Variants in TTC28 observed in about 807,000 individuals in gnomAD.
The protein encoded by TTC28 is tetratricopeptide repeat protein 28.
A neutral mutation model predicts 198.0 loss-of-function variants in TTC28; 61 were observed. The observed-to-expected ratio is 0.31, with a 90% CI of 0.25 to 0.38. TTC28 has a LOEUF of 0.38. Ranked by LOEUF, TTC28 falls within the 10% of genes least tolerant of loss-of-function variation. The pLI, the probability that TTC28 is intolerant of heterozygous loss-of-function variation, is 1.00. For missense variants in TTC28, 2,678 were observed against 3,164.0 expected (o/e 0.85, Z 3.69); for synonymous variants, 1,171 against 1,297.8 (o/e 0.90, Z 2.10).
rs1356385059 is a variant in TTC28, at chr22:27,993,495, G to C, written c.5268C>G (p.Ile1756Met). The stretch of plus-strand genomic sequence containing the variant: ...ACATGGCATTGCGCTGCCCATTCTG[G>C]ATGCGCTGCAGGGATTTCTCCACCT... ...LHLVEKSLQR[I>M]QNGQRNAMYT... The change falls in exon 18 of 23, where the codon ATC becomes ATG. Residue 1756 changes from isoleucine to methionine, a missense_variant. By Grantham distance (10) the Ile-to-Met change is conservative. Coordinates refer to ENST00000397906, the MANE Select transcript of TTC28 (RefSeq NM_001145418.2). 2 of 1,548,254 alleles carry C rather than the reference G, an allele frequency of 1.3e-6. No homozygotes were observed. Among genetic ancestry groups the C allele is most frequent in the Non-Finnish European group, 1.7e-6 (2 of 1,144,628 alleles).
chr22:28,416,419 T>G (rs912888672), intron 2 of TTC28, among the ~76,000 whole-genome samples: 4 of 152,222 alleles, frequency 2.6e-5, no homozygotes, highest in Admixed American at 2.0e-4. Context: ...TCTGATGTGA[T>G]GGAAATTATT....
chr22:28,619,388 A>T (rs2050955174), intron 2 of TTC28, among the ~76,000 whole-genome samples: 1 of 152,190 alleles, frequency 6.6e-6, no homozygotes. Context: ...GGAGGAACAA[A>T]CCTAGATTGA....
intron 1 of TTC28, among the ~76,000 whole-genome samples, chr22:28,679,342 C>G (rs1387082593): frequency 1.3e-5 from 2 of 152,192 alleles, no homozygotes; most frequent in East Asian, 1.9e-4. Flanking sequence ...GCGCATTAGG[C>G]GCTGACTGTA....
Position 27,982,964 on chromosome 22 carries a change from G to A in TTC28, c.6703C>T (p.Pro2235Ser), listed in dbSNP as rs758631680. Residue 2235 changes from proline to serine, a missense_variant, in exon 23 of 23, where the codon CCC becomes TCC. By Grantham distance (74) the Pro-to-Ser change is moderately conservative (BLOSUM62 -1). This residue lies in a region of TTC28 where 622 missense variants were observed against 656.0 expected (regional missense o/e 0.95). Transcript: ENST00000397906. The surrounding 1 kb of genome is among the most constrained non-coding windows in gnomAD (Gnocchi z 5.2). Reference sequence around the variant, plus strand: ...GGCAGGGAGGAGCTCCTGGCTGGGGGCTTTGGTTTAACAGTGACTGGTGAT... The same window carrying A: ...GGCAGGGAGGAGCTCCTGGCTGGGGACTTTGGTTTAACAGTGACTGGTGAT... ...QPSPVTVKPK[P>S]PARSSSLPKV... 3 of 1,551,698 alleles carry A rather than the reference G, an allele frequency of 1.9e-6. No individual in the cohort carries two copies. Among genetic ancestry groups the A allele is most frequent in the South Asian group, 2.4e-5 (2 of 84,056 alleles).
At chr22:28,239,378 G>A (rs530569610) in intron 5 of TTC28, among the ~76,000 whole-genome samples, 52 of 152,078 alleles carry the variant, frequency 3.4e-4, no homozygotes, top group Non-Finnish European at 5.7e-4. Context: ...CCACTCTACC[G>A]TACAAGAAGA....
At chr22:28,468,316 G>A (rs2048052573) in intron 2 of TTC28, among the ~76,000 whole-genome samples, 1 of 152,040 alleles carries the variant, frequency 6.6e-6, no homozygotes, top group African/African-American at 2.4e-5. Context: ...AAGAGGCCCA[G>A]GTTTGCAATC....
chr22:28,472,605 T>C (rs1017833519), intron 2 of TTC28, among the ~76,000 whole-genome samples: 12 of 150,910 alleles, frequency 8.0e-5, no homozygotes, highest in African/African-American at 2.7e-4. Context: ...TCCTCAAATA[T>C]ATAAAGAATG....
intron 2 of TTC28, among the ~76,000 whole-genome samples, chr22:28,379,636 G>A (rs921352290): frequency 1.3e-5 from 2 of 152,130 alleles, no homozygotes; most frequent in Non-Finnish European, 2.9e-5. Context: ...GGGGGAAATG[G>A]AGAGTTGTTT....
At chr22:28,413,369 C>A (rs2146142216) in intron 2 of TTC28, among the ~76,000 whole-genome samples, 1 of 151,946 alleles carries the variant, frequency 6.6e-6, no homozygotes, top group South Asian at 2.1e-4. Context: ...AGCTGGGAGG[C>A]GGGGCTTGCA....
At chr22:28,298,172 C>T (rs1455651081) in intron 3 of TTC28, among the ~76,000 whole-genome samples, 1 of 152,210 alleles carries the variant, frequency 6.6e-6, no homozygotes, top group Non-Finnish European at 1.5e-5. Context: ...ATTACAGGCA[C>T]ATCCCTCAAG....
chr22:28,509,150 C>A (rs2048653272), intron 2 of TTC28, among the ~76,000 whole-genome samples: 1 of 150,734 alleles, frequency 6.6e-6, no homozygotes. Flanking sequence ...GAGATTGCAC[C>A]ACTGCACTCT....
intron 5 of TTC28, among the ~76,000 whole-genome samples, chr22:28,270,540 A>C (rs531722568): frequency 6.5e-4 from 99 of 151,970 alleles, no homozygotes; most frequent in African/African-American, 1.8e-3. Flanking sequence ...TAAAAAAAAA[A>C]CCCACAAACT....
chr22:28,149,637 C>T (rs5762495), intron 6 of TTC28, among the ~76,000 whole-genome samples: 5,696 of 152,238 alleles, frequency 0.037, 187 homozygotes, highest in East Asian at 0.13. Context: ...TCCACCTCCA[C>T]ATTTTGTCCC....
intron 2 of TTC28, among the ~76,000 whole-genome samples, chr22:28,379,068 TCACTAGAAACA>T (rs2046456502): frequency 1.3e-5 from 2 of 152,124 alleles, no homozygotes; most frequent in Non-Finnish European, 2.9e-5. Flanking sequence ...AGCTAACTTC[TCACTAGAAACA>T]ATATGAGACA....
chr22:28,595,346 G>A (rs142922932), intron 2 of TTC28, among the ~76,000 whole-genome samples: 482 of 152,266 alleles, frequency 3.2e-3, no homozygotes, highest in African/African-American at 0.011. Context: ...AGTGCCTCAG[G>A]AGAATGGTTT....
At chr22:28,098,313 C>T (rs957451139) in intron 10 of TTC28, among the ~76,000 whole-genome samples, 1 of 152,150 alleles carries the variant, frequency 6.6e-6, no homozygotes, top group Non-Finnish European at 1.5e-5. Flanking sequence ...TAGTCAGATG[C>T]TTGAACCACA....
At chr22:28,422,186 C>T (rs2047265652) in intron 2 of TTC28, among the ~76,000 whole-genome samples, 3 of 152,120 alleles carry the variant, frequency 2.0e-5, no homozygotes. Flanking sequence ...AAAACAGTGT[C>T]CATGTTCAAA....
At chr22:28,674,549 G>T (rs2051947614) in intron 1 of TTC28, among the ~76,000 whole-genome samples, 1 of 152,138 alleles carries the variant, frequency 6.6e-6, no homozygotes, top group Non-Finnish European at 1.5e-5. Flanking sequence ...GGCTGGAGCA[G>T]TGGCTCAAGC....
intron 8 of TTC28, among the ~76,000 whole-genome samples, chr22:28,102,197 A>G (rs574603287): frequency 4.6e-5 from 7 of 152,340 alleles, no homozygotes; most frequent in African/African-American, 1.7e-4. Context: ...GATACATACG[A>G]TGTTCTCCTG....
Sources: allele counts gnomAD v4.1 joint callset (sites outside exome capture counted in the v4.1 genomes callset), GRCh38; gene constraint gnomAD v4.1.1; regional missense constraint gnomAD v4.1.1; non-coding constraint Gnocchi (gnomAD v3.1); transcripts MANE v1.5; gene names NCBI Gene and HGNC (gene_info 2026-07-23, HGNC 2026-07-21).